The following NPAS3 variants were observed in gnomAD, a reference collection of about 807,000 sequenced individuals.
NPAS3 encodes neuronal PAS domain protein 3, also known as neuronal PAS domain-containing protein 3.
Under a neutral mutation model 73.1 loss-of-function variants are expected in NPAS3, and 14 were observed. The observed-to-expected ratio is 0.19, with a 90% CI of 0.13 to 0.30. NPAS3 has a LOEUF of 0.30. NPAS3 is among the 10% of genes least tolerant of loss of function. The pLI is 1.00. For missense variants in NPAS3, 1,096 were observed against 1,250.0 expected (o/e 0.88, Z 1.86); for synonymous variants, 620 against 541.5 (o/e 1.14, Z -2.01).
chr14:33,082,225 C>T (rs943727579), intron 2 of NPAS3, among the ~76,000 whole-genome samples: 1 of 151,978 alleles, frequency 6.6e-6, no homozygotes, highest in Non-Finnish European at 1.5e-5. Flanking sequence ...ATTTATAAGA[C>T]AATATTGGTT....
chr14:33,119,773 A>G (rs570415420), intron 2 of NPAS3, among the ~76,000 whole-genome samples: 1 of 152,190 alleles, frequency 6.6e-6, no homozygotes, highest in East Asian at 1.9e-4. Flanking sequence ...CCCGCATTAC[A>G]TTTCTGGTAG....
intron 1 of NPAS3, among the ~76,000 whole-genome samples, chr14:32,999,720 C>T (rs1030621418): frequency 3.9e-5 from 6 of 151,934 alleles, no homozygotes; most frequent in South Asian, 2.1e-4. Flanking sequence ...ATATATAGCC[C>T]GGGGAAAAAT....
intron 2 of NPAS3, among the ~76,000 whole-genome samples, chr14:33,107,618 T>C (rs2042763460): frequency 6.6e-6 from 1 of 152,312 alleles, no homozygotes; most frequent in South Asian, 2.1e-4. Flanking sequence ...TAGTATTCCA[T>C]GGTGTGTATG....
At chr14:33,380,169 G>T (rs1380032943) in intron 4 of NPAS3, among the ~76,000 whole-genome samples, 1 of 152,106 alleles carries the variant, frequency 6.6e-6, no homozygotes, top group Non-Finnish European at 1.5e-5. Flanking sequence ...GAAAACAGTT[G>T]TGGAAGGAAC....
chr14:33,782,290 C>G (rs966269177), intron 9 of NPAS3, among the ~76,000 whole-genome samples: 4 of 152,206 alleles, frequency 2.6e-5, no homozygotes, highest in Admixed American at 2.6e-4. Flanking sequence ...TGATCACTCA[C>G]AGCTTCCCAC....
intron 7 of NPAS3, among the ~76,000 whole-genome samples, chr14:33,763,505 C>T (rs4982109): frequency 0.77 from 117,246 of 152,054 alleles, 45,732 homozygotes; most frequent in East Asian, 0.9. Flanking sequence ...CTTAAAGAGA[C>T]TGGATTCAAA....
chr14:33,054,061 C>G lies in NPAS3; in HGVS notation c.51-1844C>G, dbSNP rs369390919. ...ATCTGTAACATATCATCTGCTGTCA[C>G]TGGGGCTATCACATGCTCAAAACAA... On this transcript the variant is annotated intron_variant, in intron 1 of 11. Coordinates refer to ENST00000356141, the Ensembl canonical transcript of NPAS3. Among the ~76,000 whole-genome samples, 178 of 152,316 alleles carry G rather than the reference C, an allele frequency of 1.2e-3. 3 individuals are homozygous for G. In the South Asian group the frequency reaches 0.034, roughly 29 times the overall value.
chr14:33,637,291 A>C (rs1021933659), intron 5 of NPAS3, among the ~76,000 whole-genome samples: 2 of 152,240 alleles, frequency 1.3e-5, no homozygotes, highest in Admixed American at 1.3e-4. Flanking sequence ...CAAAGCACTC[A>C]CTCTGGCATA....
chr14:33,147,611 G>A (rs77270041), intron 2 of NPAS3, among the ~76,000 whole-genome samples: 2 of 151,398 alleles, frequency 1.3e-5, no homozygotes, highest in Non-Finnish European at 2.9e-5. Flanking sequence ...AGCATTAGGA[G>A]ATAGACCTTA....
At chr14:33,114,280 C>T (rs976525042) in intron 2 of NPAS3, among the ~76,000 whole-genome samples, 1 of 152,122 alleles carries the variant, frequency 6.6e-6, no homozygotes, top group Non-Finnish European at 1.5e-5. Context: ...AATGATCCAC[C>T]CCCCTTTGGC....
At chr14:33,802,968 T>C (rs778040579), downstream of NPAS3, 2 of 152,166 alleles carry the variant, frequency 1.3e-5, no homozygotes, top group Non-Finnish European at 2.9e-5. Flanking sequence ...AAAAGACTCT[T>C]AACTAGCTCA....
chr14:33,288,550 G>A (rs775912609), intron 3 of NPAS3, among the ~76,000 whole-genome samples: 52 of 152,106 alleles, frequency 3.4e-4, no homozygotes, highest in Non-Finnish European at 6.6e-4. Context: ...TAAACATGAT[G>A]TTGAGTGAAA....
intron 6 of NPAS3, among the ~76,000 whole-genome samples, chr14:33,710,517 C>T (rs1015989696): frequency 7.2e-5 from 11 of 152,254 alleles, no homozygotes; most frequent in Admixed American, 3.9e-4. Flanking sequence ...AAGCCGAGGC[C>T]GCATTCTTCT....
chr14:33,788,821 C>G (rs2063258965), intron 9 of NPAS3, among the ~76,000 whole-genome samples: 1 of 152,022 alleles, frequency 6.6e-6, no homozygotes, highest in African/African-American at 2.4e-5. Context: ...TGTGCAGGGC[C>G]ACGGATGTGT....
intron 7 of NPAS3, among the ~76,000 whole-genome samples, chr14:33,738,449 A>AC (rs1340080135): frequency 1.3e-5 from 2 of 152,168 alleles, no homozygotes; most frequent in Non-Finnish European, 2.9e-5. Context: ...ACCGTATCCC[A>AC]CTGCACTAGT....
At chr14:33,262,529 A>T (rs1479712729) in intron 3 of NPAS3, among the ~76,000 whole-genome samples, 1 of 152,186 alleles carries the variant, frequency 6.6e-6, no homozygotes, top group Admixed American at 6.5e-5. Context: ...ATGAAATGTT[A>T]AAATTGTTAC....
chr14:33,640,184 C>G (rs2058638502), intron 5 of NPAS3, among the ~76,000 whole-genome samples: 2 of 145,666 alleles, frequency 1.4e-5, no homozygotes, highest in Non-Finnish European at 3.0e-5. Context: ...GACAGCGAGA[C>G]CCCCTGTTGA....
rs114702359 is a variant in NPAS3 at position 33,072,729 on chromosome 14, C to T, written c.140+16735C>T. On this transcript the variant is annotated intron_variant, in intron 2 of 11. Transcript: ENST00000356141. Reference sequence around the variant, plus strand: ...GGTCAGGGTGGAACTGGCAGGGCTGCGTGGGAACCTGCCCACATAGCCTGG... The same window carrying T: ...GGTCAGGGTGGAACTGGCAGGGCTGTGTGGGAACCTGCCCACATAGCCTGG... 6.0e-3 allele frequency among the ~76,000 whole-genome samples: 908 copies of T among 152,232 alleles called. 8 individuals carry two copies. The highest frequency in any genetic ancestry group is 0.02 in the African/African-American group (816 of 41,540).
intron 6 of NPAS3, among the ~76,000 whole-genome samples, chr14:33,730,480 G>A: frequency 6.6e-6 from 1 of 152,182 alleles, no homozygotes; most frequent in Middle Eastern, 3.2e-3. Context: ...GCTTCACATT[G>A]TCTTCCAAGA....
Sources: allele counts gnomAD v4.1 joint callset (sites outside exome capture counted in the v4.1 genomes callset), GRCh38; gene constraint gnomAD v4.1.1; transcripts MANE v1.5; gene names NCBI Gene and HGNC (gene_info 2026-07-23, HGNC 2026-07-21).